NLGN4X: variants seen among roughly 807,000 people sequenced by gnomAD.
NLGN4X encodes the protein neuroligin-4, X-linked.
Under a neutral mutation model 40.3 loss-of-function variants are expected in NLGN4X, and 3 were observed. The ratio of observed to expected loss-of-function variants is 0.07; its 90% confidence interval spans 0.03 to 0.19. The LOEUF is 0.19. Ranked by LOEUF, NLGN4X falls within the 10% of genes least tolerant of loss-of-function variation. NLGN4X has a pLI of 1.00. For missense variants in NLGN4X, 382 were observed against 708.3 expected, an observed-to-expected ratio of 0.54 and a Z score of 5.23; for synonymous variants, 270 against 306.8, an observed-to-expected ratio of 0.88 and a Z score of 1.25.
At chrX:6,090,072 C>T (rs1215976727) in intron 2 of NLGN4X, among the ~76,000 whole-genome samples, 2 of 111,173 alleles carry the variant, frequency 1.8e-5, no homozygotes, top group African/African-American at 6.5e-5. Context: ...AACACATGTC[C>T]TATTCTCCAA....
At chrX:6,074,277 T>C (rs1426534632) in intron 2 of NLGN4X, among the ~76,000 whole-genome samples, 2 of 111,322 alleles carry the variant, frequency 1.8e-5, no homozygotes, top group African/African-American at 6.5e-5. Flanking sequence ...CAGCCAATAT[T>C]CCCTGTAAAT....
intron 1 of NLGN4X, among the ~76,000 whole-genome samples, chrX:6,204,232 CAT>C (rs1923852966): frequency 8.9e-6 from 1 of 112,280 alleles, no homozygotes; most frequent in Admixed American, 9.4e-5. Context: ...TTTGAGAAGC[CAT>C]ATACCTGTGG....
chrX:6,049,745 G>A (rs2037433736), intron 2 of NLGN4X, among the ~76,000 whole-genome samples: 2 of 39,233 alleles, frequency 5.1e-5, no homozygotes, highest in African/African-American at 1.6e-4. Flanking sequence ...GGGGGGGGCG[G>A]TCACAAAATA....
At chrX:5,991,707 G>A (rs1481075197) in intron 3 of NLGN4X, among the ~76,000 whole-genome samples, 1 of 111,976 alleles carries the variant, frequency 8.9e-6, no homozygotes, top group Admixed American at 9.5e-5. Context: ...CACCACATAG[G>A]CAGGGGACAT....
chrX:6,182,187 G>C (rs1434626720), intron 1 of NLGN4X, among the ~76,000 whole-genome samples: 1 of 111,838 alleles, frequency 8.9e-6, no homozygotes, highest in Admixed American at 9.5e-5. Flanking sequence ...AGGGAACTTA[G>C]GGCCAAATCA....
intron 2 of NLGN4X, among the ~76,000 whole-genome samples, chrX:6,065,388 G>C (rs2037885013): frequency 9.1e-6 from 1 of 110,224 alleles, no homozygotes; most frequent in Non-Finnish European, 1.9e-5. Flanking sequence ...AGAAAAGAGA[G>C]AAGAGTGGAT....
chrX:6,112,100 G>A (rs2039161551), intron 2 of NLGN4X, among the ~76,000 whole-genome samples: 1 of 111,595 alleles, frequency 9.0e-6, no homozygotes, highest in Non-Finnish European at 1.9e-5. Context: ...ATAACTGCAT[G>A]TTCAGTGCTT....
chrX:6,108,135 C>G (rs945795835), intron 2 of NLGN4X, among the ~76,000 whole-genome samples: 1 of 111,741 alleles, frequency 8.9e-6, no homozygotes, highest in Non-Finnish European at 1.9e-5. Flanking sequence ...CACAGTGGAT[C>G]GAAATGTGCA....
chrX:5,953,569 C>T (rs2034387109), intron 3 of NLGN4X, among the ~76,000 whole-genome samples: 2 of 111,617 alleles, frequency 1.8e-5, no homozygotes, highest in Admixed American at 9.5e-5. Flanking sequence ...GAAAACACTG[C>T]ATGTGCCCCA....
intron 3 of NLGN4X, among the ~76,000 whole-genome samples, chrX:6,005,647 G>A (rs942663738): frequency 2.0e-4 from 22 of 111,557 alleles, no homozygotes; most frequent in African/African-American, 6.8e-4. Context: ...CAAAGCACAG[G>A]AGGAAGTTGT....
chrX:6,166,171 A>G (rs1386031098), intron 1 of NLGN4X, among the ~76,000 whole-genome samples: 1 of 112,350 alleles, frequency 8.9e-6, no homozygotes, highest in Admixed American at 9.5e-5. Context: ...ACTATTACGA[A>G]CCTCTTAAGT....
At chrX:6,204,426 T>C (rs1294426495) in intron 1 of NLGN4X, among the ~76,000 whole-genome samples, 1 of 111,939 alleles carries the variant, frequency 8.9e-6, no homozygotes, top group Non-Finnish European at 1.9e-5. Context: ...GCCCAATAAA[T>C]ATGCATTGGC....
chrX:6,176,341 TCTCA>T (rs1196604711), intron 1 of NLGN4X, among the ~76,000 whole-genome samples: 2 of 112,628 alleles, frequency 1.8e-5, no homozygotes, highest in East Asian at 2.8e-4. Context: ...GTGATTTAAC[TCTCA>T]CTGTTTGTCT....
At chrX:5,988,533 T>C (rs924603127) in intron 3 of NLGN4X, among the ~76,000 whole-genome samples, 1 of 111,678 alleles carries the variant, frequency 9.0e-6, no homozygotes, top group East Asian at 2.8e-4. Context: ...AGTACCTTCA[T>C]TGGTTATTAG....
At chrX:6,197,427 A>ATTT (rs72412595) in intron 1 of NLGN4X, among the ~76,000 whole-genome samples, 15 of 79,477 alleles carry the variant, frequency 1.9e-4, no homozygotes, top group African/African-American at 5.9e-4. Context: ...ATGCTCAGCT[A>ATTT]TTTTTTTTTT....
At chrX:6,121,369 A>G (rs1039088314) in intron 2 of NLGN4X, among the ~76,000 whole-genome samples, 1 of 112,002 alleles carries the variant, frequency 8.9e-6, no homozygotes, top group Non-Finnish European at 1.9e-5. Flanking sequence ...TGTCATTATG[A>G]CATGGAAGGA....
At chrX:5,921,323 G>A (rs1373910702) in intron 3 of NLGN4X, among the ~76,000 whole-genome samples, 1 of 102,604 alleles carries the variant, frequency 9.7e-6, no homozygotes, top group African/African-American at 3.6e-5. Context: ...TTTTTTCTCC[G>A]ATGTTTCAAT....
At chrX:5,991,249 C>CT (rs1289125914) in intron 3 of NLGN4X, among the ~76,000 whole-genome samples, 51 of 104,100 alleles carry the variant, frequency 4.9e-4, no homozygotes, top group African/African-American at 1.3e-3. Context: ...ATTTCCTTTC[C>CT]TTTTTTTTTT....
intron 2 of NLGN4X, among the ~76,000 whole-genome samples, chrX:6,036,777 T>C (rs771184347): frequency 7.2e-5 from 8 of 111,461 alleles, no homozygotes; most frequent in African/African-American, 2.6e-4. Context: ...CAGAACTGGC[T>C]TTAAATATTA....
Sources: gnomAD v4.1 joint callset for allele counts (sites outside exome capture counted in the v4.1 genomes callset) on GRCh38, gnomAD v4.1.1 for gene constraint, MANE v1.5 for transcripts, NCBI Gene and HGNC (gene_info 2026-07-23, HGNC 2026-07-21) for gene names.